ATP2C1: variants seen among roughly 807,000 people sequenced by gnomAD.
The protein encoded by ATP2C1 is calcium-transporting ATPase type 2C member 1.
Under a neutral mutation model 120.5 loss-of-function variants are expected in ATP2C1, and 31 were observed. The observed-to-expected ratio is 0.26, with a 90% CI of 0.19 to 0.35. ATP2C1 has a LOEUF of 0.35. Among genes scored for constraint, ATP2C1 ranks in the 10% least tolerant of loss-of-function variants. The pLI is 1.00. For synonymous variants in ATP2C1, 351 were observed against 358.7 expected, an observed-to-expected ratio of 0.98 and a Z score of 0.24; for missense variants, 731 against 1,107.5, an observed-to-expected ratio of 0.66 and a Z score of 4.83.
intron 26 of ATP2C1, among the ~76,000 whole-genome samples, chr3:131,012,609 T>C (rs181898262): frequency 6.6e-6 from 1 of 152,130 alleles, no homozygotes; most frequent in Admixed American, 6.5e-5. Flanking sequence ...TCCAGTAACA[T>C]TTCTTCTCAA....
chr3:130,994,597 A>C (rs1577028251), intron 22 of ATP2C1, among the ~76,000 whole-genome samples: 1 of 152,272 alleles, frequency 6.6e-6, no homozygotes, highest in South Asian at 2.1e-4. Context: ...CTCCAGTGTA[A>C]TACATGGTGG....
chr3:130,937,327 A>G (rs188078234), intron 5 of ATP2C1, 101 bp from the exon 6 acceptor site: 51 of 991,704 alleles, frequency 5.1e-5, no homozygotes, highest in Admixed American at 2.8e-4. Flanking sequence ...AGTGTTTAAA[A>G]TCTGTTATTG....
chr3:130,921,772 C>T (rs901475405), intron 2 of ATP2C1, among the ~76,000 whole-genome samples: 2 of 152,026 alleles, frequency 1.3e-5, no homozygotes, highest in African/African-American at 4.8e-5. Context: ...GTTGAATCAT[C>T]CTTGCATCAC....
chr3:130,987,040 A>G (rs928636499), intron 20 of ATP2C1, among the ~76,000 whole-genome samples: 4 of 151,652 alleles, frequency 2.6e-5, no homozygotes, highest in Admixed American at 2.6e-4. Flanking sequence ...CCTGGGCCCA[A>G]GCTATCCTCT....
At position 130,870,271 on chromosome 3, in the gene ATP2C1, T is replaced by A. The variant is rs567303984; in HGVS notation, c.108+19343T>A. Among the ~76,000 whole-genome samples the A allele has an allele frequency of 2.5e-4, 38 of 152,364 alleles. 1 individual carries two copies. In the South Asian group the frequency reaches 7.7e-3, roughly 31 times the overall value. ...AGGTAAAAGGAGAATAATGTTTTCA[T>A]GTCTGCTGTCTGTTCTGCAGTCCAT... On this transcript the variant is annotated intron_variant, in intron 1 of 26. Transcript: ENST00000504381.
chr3:130,939,790 A>G (rs1248832933), intron 6 of ATP2C1, among the ~76,000 whole-genome samples: 1 of 152,146 alleles, frequency 6.6e-6, no homozygotes, highest in Non-Finnish European at 1.5e-5. Context: ...TGTGTTTTCT[A>G]TTTGAAGTTT....
chr3:131,014,624 T>G (rs2063503610), intron 26 of ATP2C1, among the ~76,000 whole-genome samples: 1 of 152,252 alleles, frequency 6.6e-6, no homozygotes, highest in Admixed American at 6.5e-5. Flanking sequence ...ACGTGATGCA[T>G]GCTTAGTGGT....
chr3:130,906,678 T>G (rs2058138818), intron 2 of ATP2C1, among the ~76,000 whole-genome samples: 1 of 151,242 alleles, frequency 6.6e-6, no homozygotes, highest in East Asian at 1.9e-4. Flanking sequence ...TTTTGCTGTT[T>G]TTTTTTTTTT....
At chr3:130,859,407 T>G (rs1405746489) in intron 1 of ATP2C1, among the ~76,000 whole-genome samples, 1 of 152,248 alleles carries the variant, frequency 6.6e-6, no homozygotes, top group Non-Finnish European at 1.5e-5. Context: ...ACTTAACTAC[T>G]TCTAATCCAT....
At chr3:130,942,877 T>C (rs1017525214) in intron 8 of ATP2C1, among the ~76,000 whole-genome samples, 1 of 152,188 alleles carries the variant, frequency 6.6e-6, no homozygotes, top group Non-Finnish European at 1.5e-5. Flanking sequence ...TGGCATAAGT[T>C]TTCTTCCCCC....
chr3:130,873,961 T>C (rs2068517132), intron 1 of ATP2C1, among the ~76,000 whole-genome samples: 1 of 151,894 alleles, frequency 6.6e-6, no homozygotes, highest in Non-Finnish European at 1.5e-5. Context: ...AATACAAAAA[T>C]TAGCCCGGCA....
chr3:130,899,429 A>G (rs975130459), intron 2 of ATP2C1: 3 of 152,170 alleles, frequency 2.0e-5, no homozygotes, highest in Non-Finnish European at 4.4e-5. Flanking sequence ...AGGAGAAAAT[A>G]TATTTATAAT....
At chr3:130,949,194 C>T (rs780163591) in intron 8 of ATP2C1, among the ~76,000 whole-genome samples, 16 of 152,122 alleles carry the variant, frequency 1.1e-4, no homozygotes, top group Admixed American at 9.8e-4. Flanking sequence ...GGCCTCTTGC[C>T]TCAAACAATT....
At chr3:130,881,346 T>TCTC (rs370373600) in intron 1 of ATP2C1, among the ~76,000 whole-genome samples, 7 of 151,030 alleles carry the variant, frequency 4.6e-5, no homozygotes, top group Admixed American at 2.0e-4. Flanking sequence ...TTCTTCTTCT[T>TCTC]CTCCTCCTCC....
chr3:130,999,751 G>A (rs1424149192), intron 27 of ATP2C1, 92 bp downstream of exon 27: 2 of 1,213,244 alleles, frequency 1.6e-6, no homozygotes, highest in Non-Finnish European at 2.3e-6. Flanking sequence ...TTTTAAAATA[G>A]CAAAATAAGT....
In ATP2C1 at chr3:130,872,022, C is replaced by CAA. The variant is rs11347303; in HGVS notation, c.108+21113_108+21114dup. Among the ~76,000 whole-genome samples, 55 of 117,540 alleles carry CAA rather than the reference C, an allele frequency of 4.7e-4. No individual in the cohort carries two copies. The South Asian group carries it at 9.2e-3, about 20-fold the overall frequency. 77.1% of individuals were successfully genotyped at this position (117,540 alleles called of 152,430 possible). A position where few individuals can be genotyped will look rare whatever the true frequency, so the allele number is the denominator to read the frequency against. ...GGGCAACAGGAGTGAAACTCTGTCT[C>CAA]AAAAAAAAAAAAAAAAAAAATCTTT... is the stretch of plus-strand genomic sequence containing the variant. On this transcript the variant is annotated intron_variant, in intron 1 of 26. Coordinates refer to the ATP2C1 transcript ENST00000504381.
intron 1 of ATP2C1, among the ~76,000 whole-genome samples, chr3:130,858,831 T>C (rs930650391): frequency 6.6e-6 from 1 of 152,200 alleles, no homozygotes; most frequent in Non-Finnish European, 1.5e-5. Flanking sequence ...ATTAAGGTAT[T>C]GGACTTAAGA....
chr3:130,892,990 G>T (rs1281805505), upstream of ATP2C1, among the ~76,000 whole-genome samples: 1 of 152,180 alleles, frequency 6.6e-6, no homozygotes, highest in Non-Finnish European at 1.5e-5. Context: ...AGTGTTGATG[G>T]AGAAAAACAC....
At chr3:130,917,804 A>C (rs2058752021) in intron 2 of ATP2C1, among the ~76,000 whole-genome samples, 1 of 152,030 alleles carries the variant, frequency 6.6e-6, no homozygotes, top group African/African-American at 2.4e-5. Context: ...GCTACTCTCC[A>C]TTTCCCCTTC....
Sources: gnomAD v4.1 joint callset for allele counts (sites outside exome capture counted in the v4.1 genomes callset) on GRCh38, gnomAD v4.1.1 for gene constraint, MANE v1.5 for transcripts, NCBI Gene and HGNC (gene_info 2026-07-23, HGNC 2026-07-21) for gene names.